Variants in SAMD5 observed in about 807,000 individuals in gnomAD.
The protein encoded by SAMD5 is sterile alpha motif domain-containing protein 5.
Under a neutral mutation model 11.3 loss-of-function variants are expected in SAMD5, and 13 were observed. The ratio of observed to expected loss-of-function variants is 1.15; its 90% CI spans 0.75 to 1.83. The LOEUF (loss-of-function observed/expected upper bound fraction) is 1.83. Among genes scored for constraint, SAMD5 ranks in the 40% most tolerant of loss-of-function variants. The pLI, the probability that SAMD5 is intolerant of heterozygous loss-of-function variation, is 0.00. For synonymous variants in SAMD5, 129 were observed against 111.3 expected (o/e 1.16, Z -1.00); for missense variants, 255 against 239.1 (o/e 1.07, Z -0.44).
intron 1 of SAMD5, among the ~76,000 whole-genome samples, chr6:147,624,727 G>T (rs1373612000): frequency 1.3e-5 from 2 of 152,102 alleles, no homozygotes; most frequent in Non-Finnish European, 1.5e-5. Context: ...TGGGGGAAAG[G>T]GTGGGAAGTG....
At chr6:147,741,265 G>A (rs1184669936), downstream of SAMD5, among the ~76,000 whole-genome samples, 2 of 152,116 alleles carry the variant, frequency 1.3e-5, no homozygotes, top group Non-Finnish European at 2.9e-5. Flanking sequence ...TCTCCAGACC[G>A]TGCCAAGTTC....
intron 1 of SAMD5, among the ~76,000 whole-genome samples, chr6:147,727,786 A>G (rs1381803281): frequency 6.6e-6 from 1 of 152,154 alleles, no homozygotes; most frequent in African/African-American, 2.4e-5. Flanking sequence ...TTGGGTGCCT[A>G]AAAGCATCAG....
chr6:147,889,641 C>T, the SAMD5 span, among the ~76,000 whole-genome samples: 6 of 152,192 alleles, frequency 3.9e-5, no homozygotes, highest in African/African-American at 7.2e-5. Flanking sequence ...TTTCCCATTA[C>T]GGAGGTAAGA....
At chr6:147,617,785 T>A (rs996213414) in intron 1 of SAMD5, among the ~76,000 whole-genome samples, 3 of 152,204 alleles carry the variant, frequency 2.0e-5, no homozygotes, top group African/African-American at 4.8e-5. Context: ...TCCAATGGCA[T>A]CCAAGTCTGT....
intron 1 of SAMD5, among the ~76,000 whole-genome samples, chr6:147,688,919 T>C (rs2128456874): frequency 6.6e-6 from 1 of 152,346 alleles, no homozygotes; most frequent in Admixed American, 6.5e-5. Flanking sequence ...ACCTACTCTA[T>C]ATAGTTTGTG....
the SAMD5 span, among the ~76,000 whole-genome samples, chr6:147,771,925 CT>C: frequency 6.6e-6 from 1 of 152,202 alleles, no homozygotes; most frequent in African/African-American, 2.4e-5. Flanking sequence ...ATGCTTGCCC[CT>C]AGCACCTACT....
chr6:147,685,293 T>C (rs780551728), intron 1 of SAMD5, among the ~76,000 whole-genome samples: 3 of 152,144 alleles, frequency 2.0e-5, no homozygotes, highest in Non-Finnish European at 4.4e-5. Context: ...ACCTCCCAGG[T>C]TCAAGCGATT....
At chr6:147,701,362 T>C (rs1172380398) in intron 1 of SAMD5, among the ~76,000 whole-genome samples, 2 of 152,128 alleles carry the variant, frequency 1.3e-5, no homozygotes, top group Non-Finnish European at 2.9e-5. Flanking sequence ...GGACTGGGCA[T>C]GATGGTCATG....
At chr6:147,885,035 A>C in the SAMD5 span, among the ~76,000 whole-genome samples, 1 of 152,208 alleles carries the variant, frequency 6.6e-6, no homozygotes, top group Non-Finnish European at 1.5e-5. Context: ...CCTTTTAAAA[A>C]AAGTTTTTAA....
chr6:147,553,193 T>C (rs1406015831), intron 1 of SAMD5, among the ~76,000 whole-genome samples: 1 of 152,214 alleles, frequency 6.6e-6, no homozygotes, highest in African/African-American at 2.4e-5. Flanking sequence ...CTGTGGTTCC[T>C]ATTTTGTAGA....
the SAMD5 span, among the ~76,000 whole-genome samples, chr6:147,772,751 C>T: frequency 6.6e-6 from 1 of 152,162 alleles, no homozygotes; most frequent in African/African-American, 2.4e-5. Flanking sequence ...GGCCCACTAT[C>T]AGAATGTCAT....
At chr6:147,777,716 T>C in the SAMD5 span, among the ~76,000 whole-genome samples, 2 of 152,210 alleles carry the variant, frequency 1.3e-5, no homozygotes, top group African/African-American at 2.4e-5. Flanking sequence ...CCTCTCCTTC[T>C]ATCTTTATGA....
the SAMD5 span, among the ~76,000 whole-genome samples, chr6:147,791,756 T>C: frequency 6.6e-6 from 1 of 152,232 alleles, no homozygotes; most frequent in African/African-American, 2.4e-5. Context: ...CAGATTTCAA[T>C]ATTTGGGATT....
At chr6:147,741,843 G>A (rs1791883877), downstream of SAMD5, 1 of 152,152 alleles carries the variant, frequency 6.6e-6, no homozygotes, top group Admixed American at 6.6e-5. Flanking sequence ...CATTTTCAAA[G>A]CTCATCATGC....
chr6:147,522,195 T>A (rs1234648775), intron 1 of SAMD5, among the ~76,000 whole-genome samples: 2 of 152,182 alleles, frequency 1.3e-5, no homozygotes, highest in African/African-American at 2.4e-5. Flanking sequence ...CTTCTAGTGT[T>A]ATTGCATTGG....
At chr6:147,692,941 T>C (rs1432006624) in intron 1 of SAMD5, among the ~76,000 whole-genome samples, 1 of 152,172 alleles carries the variant, frequency 6.6e-6, no homozygotes, top group Non-Finnish European at 1.5e-5. Context: ...AATCATCGTA[T>C]TGGGGAGGGA....
the SAMD5 span, among the ~76,000 whole-genome samples, chr6:147,819,514 G>GT: frequency 6.6e-6 from 1 of 152,160 alleles, no homozygotes; most frequent in South Asian, 2.1e-4. Context: ...TTCTTTTCTT[G>GT]CTACTCACTG....
chr6:147,885,194 C>CA, the SAMD5 span, among the ~76,000 whole-genome samples: 1 of 152,140 alleles, frequency 6.6e-6, no homozygotes, highest in South Asian at 2.1e-4. Context: ...TGTGGTCACT[C>CA]ACACCTGTAA....
chr6:147,722,293 A>G (rs1024898108), intron 1 of SAMD5, among the ~76,000 whole-genome samples: 3 of 151,880 alleles, frequency 2.0e-5, no homozygotes, highest in Non-Finnish European at 4.4e-5. Context: ...TTTTTTTCCC[A>G]AAGAATAATT....
Sources: gnomAD v4.1 joint callset for allele counts (sites outside exome capture counted in the v4.1 genomes callset) on GRCh38, gnomAD v4.1.1 for gene constraint, MANE v1.5 for transcripts, NCBI Gene and HGNC (gene_info 2026-07-23, HGNC 2026-07-21) for gene names.